The following NCAM1 variants were observed in gnomAD, a reference collection of about 807,000 sequenced individuals.
NCAM1 encodes neural cell adhesion molecule 1, also known as antigen recognized by monoclonal antibody 5.1H11.
In NCAM1, 14 loss-of-function variants were observed where a neutral mutation model predicts 109.8. The ratio of observed to expected loss-of-function variants is 0.13; its 90% CI spans 0.08 to 0.20. The LOEUF is 0.20. Among genes scored for constraint, NCAM1 ranks in the 10% least tolerant of loss-of-function variants. The probability of loss-of-function intolerance (pLI) is 1.00; values close to 1 mark genes in which losing one functional copy is unlikely to be tolerated. For missense variants in NCAM1, 774 were observed against 1,109.9 expected (o/e 0.70, Z 4.30); for synonymous variants, 418 against 442.9 (o/e 0.94, Z 0.70).
chr11:113,096,531 G>A (rs1939604868), intron 1 of NCAM1, among the ~76,000 whole-genome samples: 1 of 152,128 alleles, frequency 6.6e-6, no homozygotes, highest in Admixed American at 6.5e-5. Context: ...CGAGGTCAGG[G>A]AATGCTTCTC....
chr11:113,110,732 A>T lies in NCAM1; in HGVS notation c.53-91647A>T, dbSNP rs146213208. Among the ~76,000 whole-genome samples the T allele has an allele frequency of 2.3e-3, 354 of 152,306 alleles. 3 individuals carry two copies. The highest frequency in any genetic ancestry group is 8.9e-3 in the South Asian group (43 of 4,820). On this transcript the variant is annotated intron_variant, in intron 1 of 19. Transcript: ENST00000316851. ...CAGAAGTTTTAAATTTTCTAAAACGAAATGTCTTGAATTTAGTTTTGAGAT... is the reference window on the plus strand; with the variant it reads ...CAGAAGTTTTAAATTTTCTAAAACGTAATGTCTTGAATTTAGTTTTGAGAT...
At chr11:113,081,409 A>G (rs1826436490) in intron 1 of NCAM1, among the ~76,000 whole-genome samples, 1 of 152,224 alleles carries the variant, frequency 6.6e-6, no homozygotes, top group Non-Finnish European at 1.5e-5. Context: ...CAGGAGACAC[A>G]GTCTTGCTGA....
intron 16 of NCAM1, among the ~76,000 whole-genome samples, chr11:113,258,059 GC>G (rs1945877164): frequency 6.6e-6 from 1 of 152,226 alleles, no homozygotes; most frequent in Non-Finnish European, 1.5e-5. Context: ...TCCTCATCCA[GC>G]CTTAGCCATG....
In NCAM1 at chr11:113,202,328, G is replaced by A. The variant is rs782585196; in HGVS notation, c.53-51G>A. 15 of 1,299,340 alleles carry A rather than the reference G, an allele frequency of 1.2e-5. No individual in the cohort carries two copies. In the African/African-American group the frequency reaches 2.3e-4, roughly 20 times the overall value. 80.5% of individuals were successfully genotyped at this position (1,299,340 alleles called of 1,614,324 possible). A position where few individuals can be genotyped will look rare whatever the true frequency, so the allele number is the denominator to read the frequency against. On this transcript the variant is annotated intron_variant, in intron 1 of 19. Coordinates refer to ENST00000316851, the MANE Select transcript of NCAM1 (RefSeq NM_181351.5). ...GGAATGTACGTTTGAACTGAACTTT[G>A]TGGGTTTTTTTTTGTTTTTTGTTTT...
rs759560923 is a variant in NCAM1, at chr11:113,207,815, C to T, written c.747-18C>T. 37 of 1,599,746 alleles carry T rather than the reference C, an allele frequency of 2.3e-5. No individual in the cohort carries two copies. Among genetic ancestry groups the T allele is most frequent in the South Asian group, 1.1e-4 (10 of 88,702 alleles). ...CTGTGGTCGAAATCATGCTACTTTG[C>T]ATTTCTACATGCTCTAGGGATGGGG... On this transcript the variant is annotated intron_variant, in intron 6 of 19. Coordinates refer to ENST00000316851, the MANE Select transcript of NCAM1 (RefSeq NM_181351.5).
intron 1 of NCAM1, among the ~76,000 whole-genome samples, chr11:113,041,867 C>A (rs1953089035): frequency 6.6e-6 from 1 of 152,144 alleles, no homozygotes; most frequent in African/African-American, 2.4e-5. Flanking sequence ...TCCCTCTGTC[C>A]CTCTGTGGCT....
At chr11:113,090,930 C>T (rs1006487439) in intron 1 of NCAM1, among the ~76,000 whole-genome samples, 13 of 152,036 alleles carry the variant, frequency 8.6e-5, no homozygotes, top group African/African-American at 3.1e-4. Flanking sequence ...CTTGAGCTCA[C>T]ATCCTAGTAG....
At chr11:113,152,034 G>A (rs1171072328) in intron 1 of NCAM1, among the ~76,000 whole-genome samples, 31 of 152,140 alleles carry the variant, frequency 2.0e-4, no homozygotes, top group African/African-American at 6.8e-4. Context: ...CCTAGAATGG[G>A]TCATTTAAGT....
At chr11:113,010,450 A>G (rs558936239) in intron 1 of NCAM1, among the ~76,000 whole-genome samples, 3 of 152,300 alleles carry the variant, frequency 2.0e-5, no homozygotes, top group South Asian at 2.1e-4. Flanking sequence ...ACAGGATCCT[A>G]TAGCTTTTCA....
intron 14 of NCAM1, among the ~76,000 whole-genome samples, chr11:113,245,929 T>C (rs917810739): frequency 3.3e-5 from 5 of 152,202 alleles, no homozygotes; most frequent in African/African-American, 1.2e-4. Flanking sequence ...TAACTTGCTT[T>C]TTTCTTTTCC....
Position 113,003,301 on chromosome 11 carries a change from G to T in NCAM1, c.52+41637G>T, listed in dbSNP as rs532582251. ...TGATGGTCATATGTGTCATTTTACC[G>T]CTAATGCTTTTATTTGTTTTGTATG... On this transcript the variant is annotated intron_variant, in intron 1 of 19. Coordinates refer to ENST00000316851, the MANE Select transcript of NCAM1 (RefSeq NM_181351.5). Among the ~76,000 whole-genome samples the T allele has an allele frequency of 2.0e-5, 3 of 152,282 alleles. No individual in the cohort carries two copies. In the South Asian group the frequency reaches 6.2e-4, roughly 32 times the overall value.
chr11:113,262,383 C>T (rs1287966453), intron 17 of NCAM1, among the ~76,000 whole-genome samples: 1 of 152,226 alleles, frequency 6.6e-6, no homozygotes, highest in East Asian at 1.9e-4. Context: ...AATACACTTG[C>T]TGGCTGTATC....
At chr11:113,096,045 AC>A (rs1262061438) in intron 1 of NCAM1, among the ~76,000 whole-genome samples, 1 of 152,138 alleles carries the variant, frequency 6.6e-6, no homozygotes, top group African/African-American at 2.4e-5. Flanking sequence ...TCAGACACAG[AC>A]CTGTCAGGCT....
intron 15 of NCAM1, among the ~76,000 whole-genome samples, chr11:113,247,182 G>A (rs1555120405): frequency 6.6e-6 from 1 of 152,182 alleles, no homozygotes; most frequent in Non-Finnish European, 1.5e-5. Flanking sequence ...CTTACCAGAA[G>A]GAGAGAAGGA....
intron 14 of NCAM1, chr11:113,242,914 T>C: frequency 6.2e-7 from 1 of 1,612,186 alleles, no homozygotes; most frequent in Non-Finnish European, 8.5e-7. Context: ...ACTTCTAGAT[T>C]ACAGCGCTGC....
At chr11:113,169,365 G>C (rs1555105822) in intron 1 of NCAM1, among the ~76,000 whole-genome samples, 2 of 152,168 alleles carry the variant, frequency 1.3e-5, no homozygotes, top group African/African-American at 4.8e-5. Flanking sequence ...AATGCAGAGA[G>C]AAAAGATGTT....
intron 1 of NCAM1, among the ~76,000 whole-genome samples, chr11:113,045,898 A>G (rs1389083656): frequency 6.6e-6 from 1 of 151,764 alleles, no homozygotes; most frequent in East Asian, 1.9e-4. Context: ...TCTGCTGATC[A>G]GCTTTGGAAA....
intron 14 of NCAM1, chr11:113,243,751 G>T (rs938937431): frequency 2.6e-5 from 8 of 302,688 alleles, no homozygotes; most frequent in Non-Finnish European, 5.6e-5. Flanking sequence ...AAAAAAAATG[G>T]CATACATCCC....
At chr11:113,152,671 C>T (rs919638188) in intron 1 of NCAM1, among the ~76,000 whole-genome samples, 5 of 152,114 alleles carry the variant, frequency 3.3e-5, no homozygotes, top group Non-Finnish European at 7.4e-5. Flanking sequence ...ATTTAATCAA[C>T]AAAACTATAT....
Sources: gnomAD v4.1 joint callset for allele counts (sites outside exome capture counted in the v4.1 genomes callset) on GRCh38, gnomAD v4.1.1 for gene constraint, MANE v1.5 for transcripts, NCBI Gene and HGNC (gene_info 2026-07-23, HGNC 2026-07-21) for gene names.